Variants in EVI5 observed in about 807,000 individuals in gnomAD.
EVI5 encodes the protein ecotropic viral integration site 5, also known as ecotropic viral integration site 5 protein homolog.
A neutral mutation model predicts 112.0 loss-of-function variants in EVI5; 73 were observed. That is an observed-to-expected ratio of 0.65 (90% CI 0.54 to 0.79). The LOEUF (loss-of-function observed/expected upper bound fraction) is 0.79. EVI5 is among the 30% of genes least tolerant of loss of function. EVI5 has a pLI of 0.00. For synonymous variants in EVI5, 305 were observed against 319.9 expected (o/e 0.95, Z 0.50); for missense variants, 900 against 968.8 (o/e 0.93, Z 0.94).
chr1:92,740,767 C>A (rs143745465), intron 1 of EVI5, among the ~76,000 whole-genome samples: 44 of 152,300 alleles, frequency 2.9e-4, no homozygotes, highest in Middle Eastern at 3.4e-3. Context: ...CTTACCCTGT[C>A]ATTATTCCTG....
chr1:92,663,054 G>A (rs890965846), intron 12 of EVI5, among the ~76,000 whole-genome samples, 189 bp from the exon 13 acceptor site: 6 of 151,028 alleles, frequency 4.0e-5, no homozygotes, highest in Non-Finnish European at 7.4e-5. Context: ...GAAACTAAAC[G>A]AAAAATTCAC....
At chr1:92,717,102 G>A (rs1187718271) in intron 2 of EVI5, among the ~76,000 whole-genome samples, 2 of 152,100 alleles carry the variant, frequency 1.3e-5, no homozygotes, top group Non-Finnish European at 2.9e-5. Flanking sequence ...ACTTGATGGA[G>A]CCGAAAACCA....
At chr1:92,744,598 T>TCACA (rs758493472) in intron 1 of EVI5, among the ~76,000 whole-genome samples, 171 of 58,546 alleles carry the variant, frequency 2.9e-3, no homozygotes, top group African/African-American at 0.01. Context: ...TCTCTCTCTC[T>TCACA]CTCACACACA....
intron 13 of EVI5, among the ~76,000 whole-genome samples, chr1:92,662,200 A>C (rs1664140738): frequency 6.6e-6 from 1 of 152,164 alleles, no homozygotes; most frequent in South Asian, 2.1e-4. Flanking sequence ...ATAGGCATAC[A>C]CCTTAACCCA....
chr1:92,646,088 T>G (rs1470929882), intron 13 of EVI5, among the ~76,000 whole-genome samples: 1 of 152,208 alleles, frequency 6.6e-6, no homozygotes, highest in Non-Finnish European at 1.5e-5. Flanking sequence ...CATAAACTCG[T>G]CTTCTACTGC....
intron 2 of EVI5, among the ~76,000 whole-genome samples, chr1:92,712,187 C>A (rs1337109): frequency 0.92 from 140,236 of 152,220 alleles, 64,688 homozygotes; most frequent in East Asian, 0.97. Flanking sequence ...ACATCAACAA[C>A]ACCAAGCACA....
intron 1 of EVI5, among the ~76,000 whole-genome samples, chr1:92,765,178 T>C (rs1224513666): frequency 1.3e-5 from 2 of 151,328 alleles, no homozygotes; most frequent in Non-Finnish European, 2.9e-5. Flanking sequence ...ATATATATCT[T>C]CAATTTCATC....
chr1:92,594,575 T>C (rs1647223394), intron 18 of EVI5, among the ~76,000 whole-genome samples: 1 of 151,068 alleles, frequency 6.6e-6, no homozygotes. Context: ...TGGGATCTAA[T>C]TAAACTAAAG....
At chr1:92,674,579 T>C (rs1666408740) in intron 10 of EVI5, among the ~76,000 whole-genome samples, 2 of 151,924 alleles carry the variant, frequency 1.3e-5, no homozygotes, top group Non-Finnish European at 2.9e-5. Flanking sequence ...GAGAAATACC[T>C]AATGTAGATG....
At chr1:92,587,318 A>T (rs1042966887) in intron 18 of EVI5, among the ~76,000 whole-genome samples, 1 of 152,090 alleles carries the variant, frequency 6.6e-6, no homozygotes, top group Non-Finnish European at 1.5e-5. Context: ...CCTTAAAGAA[A>T]AATGAAAAAT....
intron 18 of EVI5, among the ~76,000 whole-genome samples, chr1:92,586,261 C>T (rs922942668): frequency 3.9e-5 from 6 of 152,138 alleles, no homozygotes; most frequent in African/African-American, 1.4e-4. Flanking sequence ...AGGGAAGTTG[C>T]TAAGTGCAGC....
upstream of EVI5, among the ~76,000 whole-genome samples, chr1:92,785,683 A>G (rs1685556429): frequency 6.6e-6 from 1 of 152,232 alleles, no homozygotes; most frequent in Non-Finnish European, 1.5e-5. Context: ...CATTCTTAGA[A>G]GGAAAGTACT....
chr1:92,645,025 G>T (rs1660687243), intron 13 of EVI5, among the ~76,000 whole-genome samples: 1 of 152,168 alleles, frequency 6.6e-6, no homozygotes, highest in African/African-American at 2.4e-5. Flanking sequence ...ATCAGGGCAG[G>T]TTGGATGATA....
At chr1:92,582,519 G>A (rs1018296071) in intron 18 of EVI5, among the ~76,000 whole-genome samples, 3 of 151,954 alleles carry the variant, frequency 2.0e-5, no homozygotes, top group African/African-American at 7.3e-5. Context: ...ATAAAAAAGA[G>A]CACAAGCAAA....
chr1:92,745,698 T>C (rs1045171590), intron 1 of EVI5, among the ~76,000 whole-genome samples: 1 of 152,054 alleles, frequency 6.6e-6, no homozygotes, highest in Non-Finnish European at 1.5e-5. Flanking sequence ...GTAGAGGCAC[T>C]TGTGAGGCCG....
At chr1:92,578,734 A>G (rs1038625242) in intron 18 of EVI5, among the ~76,000 whole-genome samples, 4 of 150,854 alleles carry the variant, frequency 2.7e-5, no homozygotes, top group Admixed American at 1.3e-4. Flanking sequence ...AAAAAAAAAG[A>G]AAAGAAAATG....
chr1:92,652,842 G>A (rs1662365034), intron 13 of EVI5, among the ~76,000 whole-genome samples: 5 of 152,214 alleles, frequency 3.3e-5, no homozygotes, highest in Admixed American at 3.3e-4. Context: ...GAGAACTCAT[G>A]TGAAGAAGCT....
chr1:92,671,994 A>G (rs1665961475), intron 10 of EVI5, among the ~76,000 whole-genome samples: 1 of 151,774 alleles, frequency 6.6e-6, no homozygotes, highest in African/African-American at 2.4e-5. Flanking sequence ...TTGTGGAGAC[A>G]GGGGCCCACT....
At chr1:92,628,246 A>T (rs1300005295) in intron 14 of EVI5, among the ~76,000 whole-genome samples, 1 of 152,170 alleles carries the variant, frequency 6.6e-6, no homozygotes, top group African/African-American at 2.4e-5. Context: ...ACATGTATAG[A>T]TTGTGAAGAT....
Sources: allele counts gnomAD v4.1 joint callset (sites outside exome capture counted in the v4.1 genomes callset), GRCh38; gene constraint gnomAD v4.1.1; transcripts MANE v1.5; gene names NCBI Gene and HGNC (gene_info 2026-07-23, HGNC 2026-07-21).